CTNND2: variants seen among roughly 807,000 people sequenced by gnomAD.
CTNND2 encodes catenin delta 2.
Under a neutral mutation model 144.4 loss-of-function variants are expected in CTNND2, and 22 were observed. The observed-to-expected ratio is 0.15, with a 90% CI of 0.11 to 0.22. The LOEUF (loss-of-function observed/expected upper bound fraction) is 0.22, where lower values mean the gene tolerates loss of function less well. CTNND2 is among the 10% of genes least tolerant of loss of function. CTNND2 has a pLI of 1.00. For synonymous variants in CTNND2, 751 were observed against 695.6 expected (o/e 1.08, Z -1.25); for missense variants, 1,353 against 1,618.8 (o/e 0.84, Z 2.82).
rs1212894761 is a variant in CTNND2, at chr5:10,973,981, G to A, written c.3418-268C>T. 1.3e-5 allele frequency among the ~76,000 whole-genome samples: 2 copies of A among 152,190 alleles called. No individual in the cohort carries two copies. Among genetic ancestry groups the A allele is most frequent in the Admixed American group, 1.3e-4 (2 of 15,280 alleles). On this transcript the variant is annotated intron_variant, in intron 21 of 21. Transcript: ENST00000304623. The surrounding 1 kb of genome is among the most constrained non-coding windows in gnomAD (Gnocchi z 5.6). ...AGCTTGCTTTAAGAAATGTTGAAGTGTAAGATTAATTAGGTGGCATTAAGA... is the reference window on the plus strand; with the variant it reads ...AGCTTGCTTTAAGAAATGTTGAAGTATAAGATTAATTAGGTGGCATTAAGA...
intron 1 of CTNND2, among the ~76,000 whole-genome samples, chr5:11,765,407 G>A (rs1048108820): frequency 3.0e-4 from 46 of 152,254 alleles, no homozygotes; most frequent in Middle Eastern, 3.4e-3. Flanking sequence ...GCTGCCAGGT[G>A]GATCAGAGAA....
intron 16 of CTNND2, among the ~76,000 whole-genome samples, chr5:11,046,227 A>G (rs527807708): frequency 5.3e-5 from 8 of 152,318 alleles, no homozygotes; most frequent in Non-Finnish European, 1.0e-4. Context: ...ATCCAATATG[A>G]CAGAGATCCT....
chr5:11,900,430 A>C (rs1303226051), intron 1 of CTNND2, among the ~76,000 whole-genome samples: 1 of 152,204 alleles, frequency 6.6e-6, no homozygotes, highest in African/African-American at 2.4e-5. Flanking sequence ...CCTGTGTTGG[A>C]GGTACTGTTT....
chr5:11,736,000 C>T (rs1236654912), intron 1 of CTNND2, among the ~76,000 whole-genome samples: 2 of 152,070 alleles, frequency 1.3e-5, no homozygotes, highest in Admixed American at 6.6e-5. Context: ...AGGCTCTGAG[C>T]CAGTATTCTT....
rs373494873 is a variant in CTNND2 at position 11,564,933 on chromosome 5, G to A, written c.287+11C>T. On this transcript the variant is annotated intron_variant, in intron 3 of 21. Coordinates refer to ENST00000304623, the MANE Select transcript of CTNND2 (RefSeq NM_001332.4). ...TCAAAGCACAGACAATGAACAGAGCGGCGCTAGTACCTCATGCTGCTCATG... is the reference window on the plus strand; with the variant it reads ...TCAAAGCACAGACAATGAACAGAGCAGCGCTAGTACCTCATGCTGCTCATG... 8.6e-5 allele frequency: 137 copies of A among 1,588,604 alleles called. 1 individual carries two copies. The South Asian group carries it at 9.4e-4, about 11-fold the overall frequency.
intron 5 of CTNND2, among the ~76,000 whole-genome samples, chr5:11,404,883 T>A (rs982362455): frequency 3.3e-5 from 5 of 152,094 alleles, no homozygotes; most frequent in Non-Finnish European, 1.5e-5. Flanking sequence ...GTGCTGGGAT[T>A]GCAGGCATGA....
At chr5:11,498,457 C>T (rs1429351460) in intron 3 of CTNND2, among the ~76,000 whole-genome samples, 2 of 152,170 alleles carry the variant, frequency 1.3e-5, no homozygotes, top group African/African-American at 2.4e-5. Context: ...ATACCAATGA[C>T]ACCACTCTAG....
intron 1 of CTNND2, among the ~76,000 whole-genome samples, chr5:11,857,044 C>G (rs983029837): frequency 6.6e-6 from 1 of 152,164 alleles, no homozygotes; most frequent in African/African-American, 2.4e-5. Flanking sequence ...AAAAATTTCA[C>G]GTACTTCACA....
intron 3 of CTNND2, among the ~76,000 whole-genome samples, chr5:11,459,108 AAATT>A (rs1463355517): frequency 2.0e-5 from 3 of 152,156 alleles, no homozygotes; most frequent in Non-Finnish European, 2.9e-5. Flanking sequence ...AATAAGGTGA[AAATT>A]AAACGAGACA....
chr5:11,245,759 C>T (rs1348404288), intron 9 of CTNND2, among the ~76,000 whole-genome samples: 1 of 152,192 alleles, frequency 6.6e-6, no homozygotes, highest in Non-Finnish European at 1.5e-5. Flanking sequence ...AGAAGCCCAT[C>T]TGACCCCAGG....
At chr5:11,264,067 G>C (rs182494266) in intron 9 of CTNND2, among the ~76,000 whole-genome samples, 1 of 152,152 alleles carries the variant, frequency 6.6e-6, no homozygotes, top group African/African-American at 2.4e-5. Flanking sequence ...ATTCTGATAA[G>C]TCTTTATTCT....
At chr5:11,837,151 C>G (rs190643842) in intron 1 of CTNND2, among the ~76,000 whole-genome samples, 1 of 152,248 alleles carries the variant, frequency 6.6e-6, no homozygotes, top group East Asian at 1.9e-4. Flanking sequence ...GAACACATGT[C>G]CGTTAAAGTC....
chr5:10,998,842 G>A (rs1739622272), intron 18 of CTNND2, among the ~76,000 whole-genome samples: 1 of 152,162 alleles, frequency 6.6e-6, no homozygotes, highest in Admixed American at 6.5e-5. Flanking sequence ...ACAGGAAAAT[G>A]TGCGTAGGTT....
At chr5:11,060,509 C>A (rs1746844305) in intron 16 of CTNND2, among the ~76,000 whole-genome samples, 1 of 152,130 alleles carries the variant, frequency 6.6e-6, no homozygotes, top group Admixed American at 6.5e-5. Flanking sequence ...AGATAATACC[C>A]AACACGAGAG....
intron 16 of CTNND2, among the ~76,000 whole-genome samples, chr5:11,068,129 C>T (rs1561252075): frequency 6.6e-6 from 1 of 152,172 alleles, no homozygotes; most frequent in African/African-American, 2.4e-5. Flanking sequence ...TAAGTTTAAA[C>T]TTTAATAATT....
At chr5:11,314,409 G>A (rs936752648) in intron 9 of CTNND2, among the ~76,000 whole-genome samples, 14 of 152,220 alleles carry the variant, frequency 9.2e-5, no homozygotes, top group African/African-American at 1.9e-4. Context: ...GGAGTGCAGC[G>A]GCATGATCAG....
chr5:11,423,721 G>A (rs1005665060), intron 3 of CTNND2, among the ~76,000 whole-genome samples: 8 of 152,054 alleles, frequency 5.3e-5, no homozygotes, highest in Non-Finnish European at 1.0e-4. Context: ...TCTTTCCTCT[G>A]CTTTTGCTTC....
At chr5:11,750,480 C>A (rs1342090593) in intron 1 of CTNND2, among the ~76,000 whole-genome samples, 2 of 151,852 alleles carry the variant, frequency 1.3e-5, no homozygotes, top group African/African-American at 2.4e-5. Context: ...GCATGCCCAG[C>A]CCATCCTGAC....
chr5:11,449,169 A>G (rs1765094044), intron 3 of CTNND2, among the ~76,000 whole-genome samples: 1 of 152,084 alleles, frequency 6.6e-6, no homozygotes, highest in Non-Finnish European at 1.5e-5. Flanking sequence ...ATGAGGTCAT[A>G]TAAATAAATG....
Sources: allele counts gnomAD v4.1 joint callset (sites outside exome capture counted in the v4.1 genomes callset), GRCh38; gene constraint gnomAD v4.1.1; non-coding constraint Gnocchi (gnomAD v3.1); transcripts MANE v1.5; gene names NCBI Gene and HGNC (gene_info 2026-07-23, HGNC 2026-07-21).